The following CTNNA2 variants were observed in gnomAD, a reference collection of about 807,000 sequenced individuals.
CTNNA2 encodes the protein catenin alpha-2.
CTNNA2 carries 42 observed loss-of-function variants against 101.0 expected under a neutral mutation model. That is an observed-to-expected ratio of 0.42 (90% CI 0.32 to 0.54). The LOEUF is 0.54. Among genes scored for constraint, CTNNA2 ranks in the 20% least tolerant of loss-of-function variants. CTNNA2 has a pLI of 0.14. For synonymous variants in CTNNA2, 450 were observed against 456.4 expected, an observed-to-expected ratio of 0.99 and a Z score of 0.18; for missense variants, 871 against 1,223.1, an observed-to-expected ratio of 0.71 and a Z score of 4.29.
At chr2:80,527,449 G>A (rs1227410489) in intron 9 of CTNNA2, among the ~76,000 whole-genome samples, 1 of 152,142 alleles carries the variant, frequency 6.6e-6, no homozygotes. Flanking sequence ...CTGAGAATTC[G>A]CATGCCTGAT....
intron 3 of CTNNA2, among the ~76,000 whole-genome samples, chr2:79,822,032 G>A (rs1678052870): frequency 1.3e-5 from 2 of 152,100 alleles, no homozygotes; most frequent in Admixed American, 1.3e-4. Context: ...CCACATAAAA[G>A]AATACAATGT....
intron 1 of CTNNA2, among the ~76,000 whole-genome samples, chr2:79,586,791 C>T (rs947414059): frequency 6.6e-6 from 1 of 152,026 alleles, no homozygotes; most frequent in African/African-American, 2.4e-5. Flanking sequence ...GTACACTGTA[C>T]CCAATATGTC....
intron 3 of CTNNA2, among the ~76,000 whole-genome samples, chr2:79,793,439 T>C (rs1186449732): frequency 6.6e-6 from 1 of 152,190 alleles, no homozygotes; most frequent in East Asian, 1.9e-4. Context: ...TCTTTTATAT[T>C]GGACAGGAAA....
intron 2 of CTNNA2, among the ~76,000 whole-genome samples, chr2:79,732,563 G>A (rs967845318): frequency 4.0e-5 from 6 of 151,894 alleles, no homozygotes; most frequent in African/African-American, 1.5e-4. Context: ...TTCTAAATGA[G>A]CATACATTCC....
chr2:79,827,215 T>A (rs969295920), intron 3 of CTNNA2, among the ~76,000 whole-genome samples: 1 of 152,066 alleles, frequency 6.6e-6, no homozygotes, highest in Admixed American at 6.6e-5. Context: ...ATTTTTTTAT[T>A]TTTAGTAGAA....
chr2:79,869,190 G>A (rs2104018495), intron 4 of CTNNA2, among the ~76,000 whole-genome samples: 1 of 152,312 alleles, frequency 6.6e-6, no homozygotes, highest in African/African-American at 2.4e-5. Context: ...AGGGCGGTGT[G>A]CTTGCCATCA....
At chr2:79,933,752 G>A (rs1687608227) in intron 7 of CTNNA2, among the ~76,000 whole-genome samples, 1 of 152,164 alleles carries the variant, frequency 6.6e-6, no homozygotes, top group Admixed American at 6.5e-5. Context: ...ATCGCACCCA[G>A]CCCTGGAATT....
At chr2:79,985,153 C>A (rs1371247102) in intron 7 of CTNNA2, among the ~76,000 whole-genome samples, 2 of 152,220 alleles carry the variant, frequency 1.3e-5, no homozygotes, top group African/African-American at 2.4e-5. Context: ...GCCTGCCCTG[C>A]AGGCTGATCT....
At chr2:80,126,684 C>T (rs980926504) in intron 7 of CTNNA2, among the ~76,000 whole-genome samples, 5 of 139,472 alleles carry the variant, frequency 3.6e-5, no homozygotes, top group African/African-American at 1.3e-4. Context: ...CCCTCCCTTT[C>T]GTCTTTCCTT....
intron 9 of CTNNA2, among the ~76,000 whole-genome samples, chr2:80,425,050 TC>T (rs1195631591): frequency 6.6e-6 from 1 of 152,170 alleles, no homozygotes; most frequent in East Asian, 1.9e-4. Flanking sequence ...CTTCTCAGAT[TC>T]TCCTTCAACA....
chr2:79,693,580 C>G (rs566135420), intron 2 of CTNNA2, among the ~76,000 whole-genome samples: 1 of 151,888 alleles, frequency 6.6e-6, no homozygotes, highest in East Asian at 1.9e-4. Context: ...GTGGGAAAAT[C>G]ACTGGAACAA....
chr2:79,635,490 A>T (rs1679967217), intron 1 of CTNNA2, among the ~76,000 whole-genome samples: 1 of 151,694 alleles, frequency 6.6e-6, no homozygotes, highest in Non-Finnish European at 1.5e-5. Flanking sequence ...AGGGCTTGAT[A>T]CATGATAGTT....
chr2:79,339,185 G>A (rs1677074233), intron 3 of CTNNA2, among the ~76,000 whole-genome samples: 2 of 152,026 alleles, frequency 1.3e-5, no homozygotes, highest in Non-Finnish European at 2.9e-5. Flanking sequence ...TAAAAAACAT[G>A]GATACAAAAA....
At chr2:80,197,441 T>G (rs1706911793) in intron 7 of CTNNA2, among the ~76,000 whole-genome samples, 1 of 152,192 alleles carries the variant, frequency 6.6e-6, no homozygotes. Flanking sequence ...ATGAATTACC[T>G]CAAATCCTTA....
chr2:80,563,515 G>A (rs1015537706), intron 12 of CTNNA2, among the ~76,000 whole-genome samples: 10 of 152,196 alleles, frequency 6.6e-5, no homozygotes, highest in African/African-American at 2.4e-4. Context: ...TATGGCCAGA[G>A]TAGTCTCCAG....
intron 7 of CTNNA2, among the ~76,000 whole-genome samples, chr2:80,109,246 G>C (rs1318784282): frequency 6.6e-6 from 1 of 152,092 alleles, no homozygotes; most frequent in African/African-American, 2.4e-5. Context: ...GGATCACGAG[G>C]TTGGGAGACT....
chr2:80,206,469 A>G (rs1473426753), intron 7 of CTNNA2, among the ~76,000 whole-genome samples: 1 of 152,244 alleles, frequency 6.6e-6, no homozygotes, highest in African/African-American at 2.4e-5. Flanking sequence ...ATCACATCCA[A>G]TGTTCTTTAA....
chr2:80,242,491 A>G (rs1026123025), intron 7 of CTNNA2, among the ~76,000 whole-genome samples: 7 of 152,178 alleles, frequency 4.6e-5, no homozygotes, highest in Non-Finnish European at 7.4e-5. Context: ...CCCACACTAC[A>G]TATTTGTAGT....
chr2:80,590,908 T>C (rs994248215), intron 15 of CTNNA2, among the ~76,000 whole-genome samples: 2 of 152,154 alleles, frequency 1.3e-5, no homozygotes, highest in African/African-American at 4.8e-5. Context: ...AATCAGACGA[T>C]TATGGCAGCC....
Sources: allele counts gnomAD v4.1 joint callset (sites outside exome capture counted in the v4.1 genomes callset), GRCh38; gene constraint gnomAD v4.1.1; transcripts MANE v1.5; gene names NCBI Gene and HGNC (gene_info 2026-07-23, HGNC 2026-07-21).